The following NACC2 variants were observed in gnomAD, a reference collection of about 807,000 sequenced individuals.
The protein encoded by NACC2 is nucleus accumbens-associated protein 2.
In NACC2, 8 loss-of-function variants were observed where a neutral mutation model predicts 25.1. The observed-to-expected ratio is 0.32, with a 90% CI of 0.19 to 0.57. The LOEUF is 0.57. Ranked by LOEUF, NACC2 falls within the 20% of genes least tolerant of loss-of-function variation. NACC2 has a pLI of 0.89. For synonymous variants in NACC2, 435 were observed against 294.7 expected, an observed-to-expected ratio of 1.48 and a Z score of -4.88; for missense variants, 644 against 650.2, an observed-to-expected ratio of 0.99 and a Z score of 0.10.
chr9:136,089,021 TTA>T (rs1484753866), intron 1 of NACC2, among the ~76,000 whole-genome samples: 2 of 152,234 alleles, frequency 1.3e-5, no homozygotes, highest in Admixed American at 1.3e-4. Flanking sequence ...ATATTTTAAA[TTA>T]TGTTTCCCTT....
intron 2 of NACC2, among the ~76,000 whole-genome samples, chr9:136,046,910 G>C (rs1047513806): frequency 6.6e-6 from 1 of 152,164 alleles, no homozygotes. Context: ...AAAAACAGGA[G>C]AACAGCCCTA....
intron 1 of NACC2, among the ~76,000 whole-genome samples, chr9:136,068,223 C>T (rs935000888): frequency 1.5e-4 from 23 of 152,026 alleles, no homozygotes; most frequent in African/African-American, 7.2e-5. Context: ...TGTGGCTGGG[C>T]GCAGTAGCTC....
rs940978896 is a variant in NACC2, at chr9:136,022,272, G to A, written c.887-5843C>T. On this transcript the variant is annotated intron_variant, in intron 2 of 5. Coordinates refer to ENST00000277554, the MANE Select transcript of NACC2 (RefSeq NM_144653.5). This position sits in a 1 kb window ranked among gnomAD's most constrained non-coding sequence, Gnocchi z 4.4. Reference sequence around the variant, plus strand: ...GACCAGGCCCGGGTGATGAGGTAACGGGTGCCCCACATGCAGTGGGCCTCG... The same window carrying A: ...GACCAGGCCCGGGTGATGAGGTAACAGGTGCCCCACATGCAGTGGGCCTCG... Among the ~76,000 whole-genome samples the A allele has an allele frequency of 7.2e-5, 11 of 152,180 alleles. No individual in the cohort carries two copies. The highest frequency in any genetic ancestry group is 2.2e-4 in the African/African-American group (9 of 41,434).
At position 136,011,618 on chromosome 9, in the gene NACC2, G is replaced by A; in HGVS notation, c.1662C>T (p.Ser554=). ...APEPLPADGQ[S]PPQPFEQGGG... is the part of the protein sequence containing the mutation. ...CGCCCTGCTCAAAGGGCTGTGGGGG[G>A]CTCTGGCCATCGGCGGGCAGCGGCT... Residue 554 remains serine (S), a synonymous_variant, in exon 6 of 6, where the codon AGC becomes AGT. Coordinates refer to ENST00000277554, the MANE Select transcript of NACC2 (RefSeq NM_144653.5). 1.4e-6 allele frequency: 2 copies of A among 1,428,286 alleles called. No homozygotes were observed. The highest frequency in any genetic ancestry group is 1.8e-6 in the Non-Finnish European group (2 of 1,098,156). 88.5% of individuals were successfully genotyped at this position (1,428,286 alleles called of 1,614,324 possible). A position where few individuals can be genotyped will look rare whatever the true frequency, so the allele number is the denominator to read the frequency against.
At chr9:136,048,664 C>G (rs1365925984) in intron 2 of NACC2, among the ~76,000 whole-genome samples, 1 of 152,224 alleles carries the variant, frequency 6.6e-6, no homozygotes, top group Non-Finnish European at 1.5e-5. Context: ...GCCAGGTTGG[C>G]CAAAGCAGTG....
At position 136,013,092 on chromosome 9, in the gene NACC2, AAG is replaced by A. The variant is rs1840137478; in HGVS notation, c.1255+105_1255+106del. The A allele has an allele frequency of 1.1e-6, 1 of 869,608 alleles. No individual in the cohort carries two copies. The highest frequency in any genetic ancestry group is 2.6e-5 in the East Asian group (1 of 39,154). The allele number at this position is 869,608 out of a possible 1,614,324, so 53.9% of individuals were successfully genotyped here. Reference sequence around the variant, plus strand: ...GACCATGCTCGGCCCCCAGGGACGGAAGCTGCAGGTGGCCGGGAGCACCCCCG... The same window carrying A: ...GACCATGCTCGGCCCCCAGGGACGGACTGCAGGTGGCCGGGAGCACCCCCG... On this transcript the variant is annotated intron_variant, in intron 5 of 5. Transcript: ENST00000277554. The surrounding 1 kb of genome is among the most constrained non-coding windows in gnomAD (Gnocchi z 6.6).
At chr9:136,088,322 C>T (rs1263793397) in intron 1 of NACC2, among the ~76,000 whole-genome samples, 1 of 152,178 alleles carries the variant, frequency 6.6e-6, no homozygotes, top group African/African-American at 2.4e-5. Context: ...CTGTACTCAG[C>T]AGGGTGGGAG....
rs1425745191 is a variant in NACC2, at chr9:136,020,849, A to C, written c.887-4420T>G. Among the ~76,000 whole-genome samples, 1 of 152,138 alleles carries C rather than the reference A, an allele frequency of 6.6e-6. No individual in the cohort carries two copies. Among genetic ancestry groups the C allele is most frequent in the Non-Finnish European group, 1.5e-5 (1 of 68,044 alleles). On this transcript the variant is annotated intron_variant, in intron 2 of 5. Transcript: ENST00000277554. The surrounding 1 kb of genome is among the most constrained non-coding windows in gnomAD (Gnocchi z 4.7). The stretch of plus-strand genomic sequence containing the variant: ...GTGCACCAGCCTTTGTCAACGGAGG[A>C]GGCAGCAGCCTTCACAAATGGGGCT...
chr9:136,024,292 G>A (rs1159948609), intron 2 of NACC2, among the ~76,000 whole-genome samples: 4 of 139,466 alleles, frequency 2.9e-5, no homozygotes, highest in East Asian at 2.2e-4. Context: ...CAGAGGGTGC[G>A]TGTGTGTGAG....
At position 136,051,188 on chromosome 9, in the gene NACC2, G is replaced by A. The variant is rs994481473; in HGVS notation, c.-59-608C>T. ...CCGGGCAGGTAGGGAATGGCTGGGG[G>A]TGCCGGGAAGTCCGCTGAAGCCGCG... is the stretch of plus-strand genomic sequence containing the variant. On this transcript the variant is annotated intron_variant, in intron 1 of 5. Coordinates refer to ENST00000277554, the MANE Select transcript of NACC2 (RefSeq NM_144653.5). 2.1e-4 allele frequency among the ~76,000 whole-genome samples: 32 copies of A among 152,318 alleles called. No individual in the cohort carries two copies. The East Asian group carries it at 3.9e-3, about 18-fold the overall frequency.
At chr9:136,073,979 A>G (rs527534312) in intron 1 of NACC2, among the ~76,000 whole-genome samples, 107 of 151,694 alleles carry the variant, frequency 7.1e-4, no homozygotes, top group Admixed American at 1.6e-3. Context: ...ATTTGCACAG[A>G]CTCCGTCATG....
chr9:136,093,685 T>A (rs72773737), intron 1 of NACC2, among the ~76,000 whole-genome samples: 4,740 of 152,254 alleles, frequency 0.031, 119 homozygotes, highest in Admixed American at 0.051. Context: ...CTGGCCCAGC[T>A]ACCACCCAAC....
In NACC2 at chr9:136,042,897, GACAC is replaced by G. The variant is rs1276775685; in HGVS notation, c.886+6735_886+6738del. ...ACAGACACACACACAGACACATACAGACACACACAGAGACACAGAGACAAACAGA... is the reference window on the plus strand; with the variant it reads ...ACAGACACACACACAGACACATACAGACACAGAGACACAGAGACAAACAGA... On this transcript the variant is annotated intron_variant, in intron 2 of 5. Transcript: ENST00000277554. Among the ~76,000 whole-genome samples the G allele has an allele frequency of 5.5e-5, 7 of 127,884 alleles. No individual in the cohort carries two copies. In the Admixed American group the frequency reaches 5.6e-4, roughly 10 times the overall value. The allele number at this position is 127,884 out of a possible 152,430, so 83.9% of individuals were successfully genotyped here.
intron 2 of NACC2, among the ~76,000 whole-genome samples, chr9:136,047,831 A>G (rs531590054): frequency 1.3e-5 from 2 of 152,294 alleles, no homozygotes; most frequent in African/African-American, 4.8e-5. Flanking sequence ...TGAGGGCTTA[A>G]GGCTGACCCA....
Position 136,050,125 on chromosome 9 carries a change from C to A in NACC2, c.397G>T (p.Ala133Ser), listed in dbSNP as rs896548286. The change falls in exon 2 of 6, where the codon GCT becomes TCT. Residue 133 changes from alanine (A) to serine (S), a missense_variant. Ala to Ser is a moderately conservative substitution (Grantham distance 99, BLOSUM62 1). Transcript: ENST00000277554. Reference protein sequence around the residue: ...VSSPHCDSQTAVIEDAGSEPQ... With the variant: ...VSSPHCDSQTSVIEDAGSEPQ... Reference sequence around the variant, plus strand: ...TCGGAGCCGGCGTCCTCGATCACAGCGGTCTGCGAGTCGCAGTGGGGCGAG... The same window carrying A: ...TCGGAGCCGGCGTCCTCGATCACAGAGGTCTGCGAGTCGCAGTGGGGCGAG... 1.2e-5 allele frequency: 9 copies of A among 762,712 alleles called. No homozygotes were observed. The highest frequency in any genetic ancestry group is 3.2e-4 in the Middle Eastern group (1 of 3,092). The allele number at this position is 762,712 out of a possible 1,614,324, so 47.2% of individuals were successfully genotyped here. A position where few individuals can be genotyped will look rare whatever the true frequency, so the allele number is the denominator to read the frequency against.
chr9:136,052,959 T>A (rs1193608671), intron 1 of NACC2, among the ~76,000 whole-genome samples: 1 of 152,232 alleles, frequency 6.6e-6, no homozygotes, highest in African/African-American at 2.4e-5. Context: ...GAGGCTGACC[T>A]CTGGACTGCC....
At chr9:136,073,323 G>A (rs1299111845) in intron 1 of NACC2, among the ~76,000 whole-genome samples, 1 of 152,104 alleles carries the variant, frequency 6.6e-6, no homozygotes, top group Non-Finnish European at 1.5e-5. Flanking sequence ...CCAGCTACTT[G>A]GGAGACTGAG....
chr9:136,039,074 G>GT (rs1840594100), intron 2 of NACC2, among the ~76,000 whole-genome samples: 1 of 152,108 alleles, frequency 6.6e-6, no homozygotes. Flanking sequence ...ACCATATGCC[G>GT]TCTCTAAAAA....
chr9:136,083,630 G>A (rs1005621668), intron 1 of NACC2, among the ~76,000 whole-genome samples: 10 of 152,216 alleles, frequency 6.6e-5, no homozygotes, highest in Middle Eastern at 3.4e-3. Flanking sequence ...GGCACGAGAC[G>A]GGCATGAGCC....
Sources: allele counts gnomAD v4.1 joint callset (sites outside exome capture counted in the v4.1 genomes callset), GRCh38; gene constraint gnomAD v4.1.1; non-coding constraint Gnocchi (gnomAD v3.1); transcripts MANE v1.5; gene names NCBI Gene and HGNC (gene_info 2026-07-23, HGNC 2026-07-21).